The following LINS1 variants were observed in gnomAD, a reference collection of about 807,000 sequenced individuals.
LINS1 encodes lines homolog 1.
Under a neutral mutation model 41.6 loss-of-function variants are expected in LINS1, and 27 were observed. That is an observed-to-expected ratio of 0.65 (90% confidence interval 0.48 to 0.89). The LOEUF (loss-of-function observed/expected upper bound fraction) is 0.89, where lower values mean the gene tolerates loss of function less well. Ranked by LOEUF, LINS1 falls within the 40% of genes least tolerant of loss-of-function variation. The pLI, the probability that LINS1 is intolerant of heterozygous loss-of-function variation, is 0.00. For missense variants in LINS1, 955 were observed against 884.1 expected, an observed-to-expected ratio of 1.08 and a Z score of -1.02; for synonymous variants, 336 against 312.9, an observed-to-expected ratio of 1.07 and a Z score of -0.78.
At chr15:100,586,976 TG>T (rs2038829629) in intron 1 of LINS1, among the ~76,000 whole-genome samples, 1 of 151,674 alleles carries the variant, frequency 6.6e-6, no homozygotes, top group Non-Finnish European at 1.5e-5. Flanking sequence ...CTGGCCAAAA[TG>T]GTAAAACCCT....
At chr15:100,577,662 G>A (rs1314238070) in intron 3 of LINS1, among the ~76,000 whole-genome samples, 1 of 152,098 alleles carries the variant, frequency 6.6e-6, no homozygotes, top group Non-Finnish European at 1.5e-5. Context: ...TCACAGAATT[G>A]GAAAAAACTA....
chr15:100,594,183 G>A (rs2039150852), intron 1 of LINS1, among the ~76,000 whole-genome samples: 1 of 152,086 alleles, frequency 6.6e-6, no homozygotes, highest in African/African-American at 2.4e-5. Context: ...TTGTTACACT[G>A]TATTGTTTTG....
In LINS1 at chr15:100,580,463, G is replaced by T. The variant is rs780115878; in HGVS notation, c.380C>A (p.Ala127Asp). The T allele has an allele frequency of 6.2e-7, 1 of 1,613,836 alleles. No individual in the cohort carries two copies. Among genetic ancestry groups the T allele is most frequent in the Non-Finnish European group, 8.5e-7 (1 of 1,179,854 alleles). Reference sequence around the variant, plus strand: ...GCTTACTAATTTAGAATCGACTTTGGCTGATTCTAAGAGAATTTTAATTAC... The same window carrying T: ...GCTTACTAATTTAGAATCGACTTTGTCTGATTCTAAGAGAATTTTAATTAC... Reference protein sequence around the residue: ...RDVIKILLESAKVDSKLICMF... With the variant: ...RDVIKILLESDKVDSKLICMF... The change falls in exon 2 of 7, where the codon GCC (alanine) becomes GAC (aspartate). Residue 127 changes from alanine (A) to aspartate (D), a missense_variant. Physicochemically the swap from Ala to Asp is moderately radical, Grantham distance 126. Coordinates refer to ENST00000314742, the MANE Select transcript of LINS1 (RefSeq NM_001040616.3).
chr15:100,583,022 C>T (rs969724623), intron 1 of LINS1, among the ~76,000 whole-genome samples: 1 of 151,580 alleles, frequency 6.6e-6, no homozygotes, highest in African/African-American at 2.4e-5. Context: ...ACTGGGTCTT[C>T]TGTCTACACT....
intron 1 of LINS1, among the ~76,000 whole-genome samples, chr15:100,599,291 C>T (rs148376140): frequency 4.6e-4 from 70 of 152,280 alleles, no homozygotes; most frequent in African/African-American, 1.6e-3. Context: ...GCTTTTACAT[C>T]ATTGAAAAGT....
intron 4 of LINS1, 43 bp from the exon 5 acceptor site, chr15:100,574,284 T>A (rs781757496): frequency 5.0e-6 from 6 of 1,206,580 alleles, no homozygotes; most frequent in Non-Finnish European, 7.3e-6. Flanking sequence ...AAAAACAGTC[T>A]TCTTCAAACA....
In LINS1 at chr15:100,575,022, T is replaced by C. The variant is rs2038078136; in HGVS notation, c.596A>G (p.Lys199Arg). 1.9e-6 allele frequency: 3 copies of C among 1,613,092 alleles called. No homozygotes were observed. The highest frequency in any genetic ancestry group is 2.5e-6 in the Non-Finnish European group (3 of 1,179,592). Residue 199 changes from lysine to arginine, a missense_variant, in exon 4 of 7, where the codon AAA (lysine) becomes AGA (arginine). Lys to Arg is a conservative substitution (Grantham distance 26, BLOSUM62 2). Coordinates refer to ENST00000314742, the MANE Select transcript of LINS1 (RefSeq NM_001040616.3). ...YCLWTLTAII[K>R]EIFKDSCSQK... ...TGAACATGAATCTTTAAAGATTTCT[T>C]TTATTATTGCTGTAAGAGTCCAGAG...
At position 100,580,955 on chromosome 15, in the gene LINS1, G is replaced by C; in HGVS notation, c.-103-10C>G. The C allele has an allele frequency of 2.0e-6, 2 of 982,270 alleles. No homozygotes were observed. The highest frequency in any genetic ancestry group is 3.3e-5 in the African/African-American group (2 of 60,756). The allele number at this position is 982,270 out of a possible 1,614,324, so 60.8% of individuals were successfully genotyped here. On this transcript the variant is annotated splice_polypyrimidine_tract_variant and intron_variant, in intron 1 of 6. Coordinates refer to ENST00000314742, the MANE Select transcript of LINS1 (RefSeq NM_001040616.3). ...GTTTCTTCAGTGAAACCTAAAATAGGAAAAATAATTTAAAAATTCTAACTG... is the reference window on the plus strand; with the variant it reads ...GTTTCTTCAGTGAAACCTAAAATAGCAAAAATAATTTAAAAATTCTAACTG...
Position 100,580,932 on chromosome 15 carries a change from T to G in LINS1, c.-90A>C. 1.6e-6 allele frequency: 2 copies of G among 1,219,684 alleles called. No individual in the cohort carries two copies. Among genetic ancestry groups the G allele is most frequent in the Non-Finnish European group, 2.3e-6 (2 of 863,094 alleles). The allele number at this position is 1,219,684 out of a possible 1,614,324, so 75.6% of individuals were successfully genotyped here. On this transcript the variant is annotated 5_prime_UTR_variant, in exon 2 of 7. Coordinates refer to ENST00000314742, the MANE Select transcript of LINS1 (RefSeq NM_001040616.3). ...GAAGTGCAATGAATCTCTAAGAAGT[T>G]TCTTCAGTGAAACCTAAAATAGGAA... is the stretch of plus-strand genomic sequence containing the variant.
Position 100,580,945 on chromosome 15 carries a change from C to G in LINS1, c.-103G>C. ...TCTCTAAGAAGTTTCTTCAGTGAAA[C>G]CTAAAATAGGAAAAATAATTTAAAA... is the stretch of plus-strand genomic sequence containing the variant. On this transcript the variant is annotated splice_region_variant and 5_prime_UTR_variant, in exon 2 of 7. Coordinates refer to ENST00000314742, the MANE Select transcript of LINS1 (RefSeq NM_001040616.3). 2.8e-6 allele frequency: 3 copies of G among 1,062,068 alleles called. No homozygotes were observed. The highest frequency in any genetic ancestry group is 4.1e-6 in the Non-Finnish European group (3 of 733,192). The allele number at this position is 1,062,068 out of a possible 1,614,324, so 65.8% of individuals were successfully genotyped here.
At chr15:100,574,436 G>A (rs1195913154) in intron 4 of LINS1, among the ~76,000 whole-genome samples, 195 bp from the exon 5 acceptor site, 3 of 152,344 alleles carry the variant, frequency 2.0e-5, no homozygotes, top group Admixed American at 6.5e-5. Flanking sequence ...GGCTGGGTGT[G>A]GTGGCTCACA....
chr15:100,571,862 G>C, intron 6 of LINS1, 32 bp downstream of exon 6: 1 of 1,612,256 alleles, frequency 6.2e-7, no homozygotes, highest in Non-Finnish European at 8.5e-7. Context: ...TGACTTGTAG[G>C]CCGTTCAATA....
Position 100,569,107 on chromosome 15 carries a change from A to C in LINS1, c.*131T>G, listed in dbSNP as rs561212908. 10 of 610,434 alleles carry C rather than the reference A, an allele frequency of 1.6e-5. No homozygotes were observed. The East Asian group carries it at 3.0e-4, about 18-fold the overall frequency. 37.8% of individuals were successfully genotyped at this position (610,434 alleles called of 1,614,324 possible). ...CACTGCACTCCGGCCTGAGCGACAGAATGAGATTCTGTCTCAAAAAAAAAA... is the reference window on the plus strand; with the variant it reads ...CACTGCACTCCGGCCTGAGCGACAGCATGAGATTCTGTCTCAAAAAAAAAA... On this transcript the variant is annotated 3_prime_UTR_variant, in exon 7 of 7. Coordinates refer to ENST00000314742, the MANE Select transcript of LINS1 (RefSeq NM_001040616.3).
At position 100,572,057 on chromosome 15, in the gene LINS1, G is replaced by GT. The variant is rs771155088; in HGVS notation, c.1230dup (p.Gln411ThrfsTer6). ...GTCAGTAACTCAGACATGAACCTCT[G>GT]TAAGTCAACTTCAAAAAATGAAAAT... On this transcript the variant is annotated frameshift_variant, in exon 6 of 7. Coordinates refer to ENST00000314742, the MANE Select transcript of LINS1 (RefSeq NM_001040616.3). LOFTEE classifies it high-confidence loss of function. 9.3e-6 allele frequency: 15 copies of GT among 1,614,028 alleles called. No homozygotes were observed. The highest frequency in any genetic ancestry group is 1.7e-5 in the Admixed American group (1 of 59,994).
chr15:100,580,589 G>C lies in LINS1; in HGVS notation c.254C>G (p.Ser85Cys). 1 of 1,613,968 alleles carries C rather than the reference G, an allele frequency of 6.2e-7. No homozygotes were observed. The highest frequency in any genetic ancestry group is 8.5e-7 in the Non-Finnish European group (1 of 1,179,936). ...TAACTGAAGGAGCATTACTTCTCTG[G>C]AACCGCTCATCTGAGAGTTGGTCTT... Reference protein sequence around the residue: ...CLKTNSQMSGSREVMLLQLTV... With the variant: ...CLKTNSQMSGCREVMLLQLTV... Residue 85 changes from serine to cysteine, a missense_variant, in exon 2 of 7, where the codon TCC becomes TGC. By Grantham distance (112) the Ser-to-Cys change is moderately radical (BLOSUM62 -1). Coordinates refer to ENST00000314742, the MANE Select transcript of LINS1 (RefSeq NM_001040616.3).
At position 100,569,518 on chromosome 15, in the gene LINS1, C is replaced by T; in HGVS notation, c.1994G>A (p.Gly665Glu). Residue 665 changes from glycine (G) to glutamate (E), a missense_variant, in exon 7 of 7, where the codon GGG becomes GAG. Gly to Glu is a moderately conservative substitution (Grantham distance 98). Coordinates refer to ENST00000314742, the MANE Select transcript of LINS1 (RefSeq NM_001040616.3). Reference sequence around the variant, plus strand: ...AAATTCTTTTTTATCCCTGCTTGTCCCAGCTGCATCCTGAATCTCCTTAGT... The same window carrying T: ...AAATTCTTTTTTATCCCTGCTTGTCTCAGCTGCATCCTGAATCTCCTTAGT... ...QATKEIQDAAGTSRDKKEFSL... is the reference protein window; with the variant it reads ...QATKEIQDAAETSRDKKEFSL... The T allele has an allele frequency of 1.1e-5, 17 of 1,614,186 alleles. No homozygotes were observed. Among genetic ancestry groups the T allele is most frequent in the Non-Finnish European group, 1.4e-5 (17 of 1,180,042 alleles).
intron 1 of LINS1, among the ~76,000 whole-genome samples, chr15:100,596,167 G>T (rs546545144): frequency 6.6e-6 from 1 of 152,216 alleles, no homozygotes; most frequent in South Asian, 2.1e-4. Context: ...GCTAAAGGGG[G>T]TGCTGGCGGT....
chr15:100,587,066 G>A (rs1435672332), intron 1 of LINS1, among the ~76,000 whole-genome samples: 2 of 145,558 alleles, frequency 1.4e-5, no homozygotes, highest in Non-Finnish European at 3.0e-5. Flanking sequence ...GGCTGAGGCA[G>A]CAGAATCGCT....
intron 1 of LINS1, among the ~76,000 whole-genome samples, chr15:100,597,536 C>T (rs1163129826): frequency 6.6e-6 from 1 of 152,188 alleles, no homozygotes; most frequent in Non-Finnish European, 1.5e-5. Flanking sequence ...GGAATCTCAG[C>T]TCCTTAGGTT....
Sources: allele counts gnomAD v4.1 joint callset (sites outside exome capture counted in the v4.1 genomes callset), GRCh38; gene constraint gnomAD v4.1.1; transcripts MANE v1.5; gene names NCBI Gene and HGNC (gene_info 2026-07-23, HGNC 2026-07-21).